Variants in MTMR14 observed in about 807,000 individuals in gnomAD.
MTMR14 encodes myotubularin related protein 14.
Under a neutral mutation model 86.3 loss-of-function variants are expected in MTMR14, and 48 were observed. The observed-to-expected ratio is 0.56, with a 90% CI of 0.44 to 0.71. The LOEUF (loss-of-function observed/expected upper bound fraction) is 0.71, where lower values mean the gene tolerates loss of function less well. Among genes scored for constraint, MTMR14 ranks in the 30% least tolerant of loss-of-function variants. The probability of loss-of-function intolerance (pLI) is 0.00; values close to 1 mark genes in which losing one functional copy is unlikely to be tolerated. For missense variants in MTMR14, 780 were observed against 834.6 expected, an observed-to-expected ratio of 0.93 and a Z score of 0.81; for synonymous variants, 366 against 326.1, an observed-to-expected ratio of 1.12 and a Z score of -1.32.
chr3:9,684,554 C>A (rs995340179), intron 10 of MTMR14, 31 bp from the exon 11 acceptor site: 1 of 1,608,882 alleles, frequency 6.2e-7, no homozygotes. Flanking sequence ...TGGTTCTCTC[C>A]TGGGCATCCT....
intron 2 of MTMR14, among the ~76,000 whole-genome samples, chr3:9,656,709 C>T (rs530375930): frequency 7.4e-4 from 113 of 152,282 alleles, no homozygotes; most frequent in African/African-American, 2.6e-3. Flanking sequence ...TGAGCCACCG[C>T]GCCCAGCTGG....
intron 18 of MTMR14, chr3:9,700,424 G>C (rs944485162): frequency 6.6e-6 from 1 of 152,220 alleles, no homozygotes; most frequent in Admixed American, 6.5e-5. Flanking sequence ...TGAGTCCAGA[G>C]TCCATGGGCC....
At chr3:9,676,542 T>C (rs1026042408) in intron 7 of MTMR14, among the ~76,000 whole-genome samples, 5 of 152,202 alleles carry the variant, frequency 3.3e-5, no homozygotes, top group African/African-American at 1.2e-4. Flanking sequence ...GCTAGGTGTT[T>C]TATATGTATT....
At chr3:9,650,367 A>G in intron 1 of MTMR14, 1 of 456,666 alleles carries the variant, frequency 2.2e-6, no homozygotes, top group Non-Finnish European at 4.4e-6. Flanking sequence ...CTGTCAGCTC[A>G]GGCCATCCCC....
intron 9 of MTMR14, among the ~76,000 whole-genome samples, chr3:9,678,502 A>G (rs973890525): frequency 6.6e-6 from 1 of 152,244 alleles, no homozygotes; most frequent in Non-Finnish European, 1.5e-5. Flanking sequence ...AGGGGCCTCT[A>G]GTCTTACTGG....
chr3:9,673,908 G>A (rs183671010), intron 7 of MTMR14, among the ~76,000 whole-genome samples: 8 of 152,226 alleles, frequency 5.3e-5, no homozygotes, highest in Admixed American at 2.6e-4. Flanking sequence ...GCAAGTTTGC[G>A]CTGATGCAGA....
intron 7 of MTMR14, 82 bp downstream of exon 7, chr3:9,672,840 A>C: frequency 7.6e-7 from 1 of 1,322,602 alleles, no homozygotes; most frequent in Non-Finnish European, 1.1e-6. Flanking sequence ...ACTTAGTTAC[A>C]CTGGCGCCCT....
rs934362011 is a variant in MTMR14 at position 9,681,822 on chromosome 3, G to A, written c.898-1356G>A. 3.3e-5 allele frequency among the ~76,000 whole-genome samples: 5 copies of A among 151,944 alleles called. No individual in the cohort carries two copies. The East Asian group carries it at 9.6e-4, about 29-fold the overall frequency. Reference sequence around the variant, plus strand: ...TGGACTTTGGAGTCTGGCAGGGCTGGATTTATCCCTCAGCTCAGCCGTGTG... The same window carrying A: ...TGGACTTTGGAGTCTGGCAGGGCTGAATTTATCCCTCAGCTCAGCCGTGTG... On this transcript the variant is annotated intron_variant, in intron 9 of 18. Coordinates refer to ENST00000296003, the MANE Select transcript of MTMR14 (RefSeq NM_001077525.3).
intron 5 of MTMR14, among the ~76,000 whole-genome samples, chr3:9,669,833 T>C (rs1483164304): frequency 6.6e-6 from 1 of 152,198 alleles, no homozygotes; most frequent in Non-Finnish European, 1.5e-5. Flanking sequence ...GCAGCTATGA[T>C]GCTGATTACC....
chr3:9,665,478 GAGAGGA>G (rs986986996), intron 3 of MTMR14, among the ~76,000 whole-genome samples: 1 of 152,176 alleles, frequency 6.6e-6, no homozygotes, highest in Non-Finnish European at 1.5e-5. Flanking sequence ...AAAAAGGGGA[GAGAGGA>G]AGAGGAGGAG....
chr3:9,686,594 A>ACATATTAG (rs1008492118), intron 13 of MTMR14, among the ~76,000 whole-genome samples: 1 of 152,232 alleles, frequency 6.6e-6, no homozygotes. Flanking sequence ...GGTTCGGGGA[A>ACATATTAG]CATATTAGCA....
Position 9,688,838 on chromosome 3 carries a change from GT to G in MTMR14, c.1294+90del. On this transcript the variant is annotated intron_variant, in intron 15 of 18. Transcript: ENST00000296003. ...AGGCAGGAACTGTTTGTGCTAAGAG[GT>G]TTTTTGTTTTTTTTTTTTTCTTCCC... The G allele has an allele frequency of 4.4e-6, 7 of 1,593,572 alleles. No individual in the cohort carries two copies. In the South Asian group the frequency reaches 7.8e-5, roughly 18 times the overall value.
At chr3:9,649,815 G>A in intron 1 of MTMR14, 73 bp downstream of exon 1, 1 of 1,589,586 alleles carries the variant, frequency 6.3e-7, no homozygotes, top group Non-Finnish European at 8.6e-7. Context: ...CTGAGGCCAG[G>A]GGTCAGAAAA....
At chr3:9,683,281 A>C (rs776685391) in intron 10 of MTMR14, 37 bp downstream of exon 10, 8 of 1,588,708 alleles carry the variant, frequency 5.0e-6, no homozygotes, top group South Asian at 1.1e-5. Context: ...GAGCCACTGC[A>C]CCCTTGGGGA....
chr3:9,672,018 C>T (rs1182601116), intron 6 of MTMR14, among the ~76,000 whole-genome samples: 4 of 152,068 alleles, frequency 2.6e-5, no homozygotes, highest in African/African-American at 9.7e-5. Flanking sequence ...CAGAAGTGGG[C>T]TCAGTGACTA....
intron 2 of MTMR14, among the ~76,000 whole-genome samples, chr3:9,658,000 C>G (rs190732603): frequency 6.6e-6 from 1 of 152,294 alleles, no homozygotes; most frequent in Admixed American, 6.5e-5. Context: ...GCTCTCCCAC[C>G]TTGTCTAGCA....
chr3:9,673,795 T>G (rs990991255), intron 7 of MTMR14, among the ~76,000 whole-genome samples: 2 of 143,556 alleles, frequency 1.4e-5, no homozygotes, highest in African/African-American at 6.0e-5. Context: ...TGGTGCTTAT[T>G]TAAGAGTGAA....
Position 9,689,945 on chromosome 3 carries a change from C to T in MTMR14, c.1434-19C>T. 1 of 1,604,196 alleles carries T rather than the reference C, an allele frequency of 6.2e-7. No homozygotes were observed. On this transcript the variant is annotated intron_variant, in intron 16 of 18. Transcript: ENST00000296003. ...CCTGCAGTGGCCCCCGGCTCACAGC[C>T]CTGCTCCTTCCACTGCAGGAGGAAG...
At chr3:9,673,110 T>G (rs1323375138) in intron 7 of MTMR14, among the ~76,000 whole-genome samples, 1 of 152,236 alleles carries the variant, frequency 6.6e-6, no homozygotes, top group African/African-American at 2.4e-5. Flanking sequence ...AAAATACTGT[T>G]TAAGTGTAAA....
Sources: gnomAD v4.1 joint callset for allele counts (sites outside exome capture counted in the v4.1 genomes callset) on GRCh38, gnomAD v4.1.1 for gene constraint, MANE v1.5 for transcripts, NCBI Gene and HGNC (gene_info 2026-07-23, HGNC 2026-07-21) for gene names.